The following PEBP4 variants were observed in gnomAD, a reference collection of about 807,000 sequenced individuals.
The protein encoded by PEBP4 is phosphatidylethanolamine binding protein 4.
PEBP4 carries 22 observed loss-of-function variants against 23.9 expected under a neutral mutation model. The ratio of observed to expected loss-of-function variants is 0.92; its 90% CI spans 0.66 to 1.31. PEBP4 has a LOEUF of 1.31. Among genes scored for constraint, PEBP4 ranks in the 40% most tolerant of loss-of-function variants. The pLI is 0.00. For missense variants in PEBP4, 324 were observed against 281.7 expected (o/e 1.15, Z -1.07); for synonymous variants, 112 against 99.3 (o/e 1.13, Z -0.76).
At chr8:22,741,354 G>GA (rs1258143387) in intron 4 of PEBP4, among the ~76,000 whole-genome samples, 1 of 152,204 alleles carries the variant, frequency 6.6e-6, no homozygotes, top group Non-Finnish European at 1.5e-5. Context: ...TGGCCCACCA[G>GA]GGCCTGCTGG....
intron 3 of PEBP4, among the ~76,000 whole-genome samples, chr8:22,818,818 G>C (rs1806798834): frequency 6.6e-6 from 1 of 152,152 alleles, no homozygotes; most frequent in Admixed American, 6.5e-5. Context: ...TGGGTTGGGG[G>C]AGTATTTTTA....
At chr8:22,777,192 C>T (rs1239808262) in intron 4 of PEBP4, among the ~76,000 whole-genome samples, 2 of 152,148 alleles carry the variant, frequency 1.3e-5, no homozygotes, top group African/African-American at 4.8e-5. Flanking sequence ...CCCGATTTCC[C>T]TCTTTCCTTC....
At chr8:22,715,365 GTAT>G (rs1804393424) in intron 6 of PEBP4, among the ~76,000 whole-genome samples, 2 of 152,364 alleles carry the variant, frequency 1.3e-5, no homozygotes, top group South Asian at 4.1e-4. Context: ...AGGAATTATG[GTAT>G]TATGACCCTG....
At chr8:22,854,966 T>C (rs1486461973) in intron 3 of PEBP4, among the ~76,000 whole-genome samples, 1 of 129,860 alleles carries the variant, frequency 7.7e-6, no homozygotes. Context: ...GCGTGCAAGC[T>C]TGTCCAAATG....
intron 3 of PEBP4, among the ~76,000 whole-genome samples, chr8:22,830,155 A>G (rs1015054764): frequency 2.4e-5 from 3 of 126,478 alleles, no homozygotes; most frequent in Admixed American, 2.3e-4. Flanking sequence ...GTTTTTACGG[A>G]GTCTTGCTCT....
At chr8:22,921,722 G>A (rs2128780955) in intron 2 of PEBP4, among the ~76,000 whole-genome samples, 1 of 152,334 alleles carries the variant, frequency 6.6e-6, no homozygotes, top group Middle Eastern at 3.4e-3. Flanking sequence ...AACTCTTTGC[G>A]CATTTACAGC....
intron 4 of PEBP4, among the ~76,000 whole-genome samples, chr8:22,792,076 C>A (rs1391902321): frequency 6.6e-6 from 1 of 150,940 alleles, no homozygotes; most frequent in Non-Finnish European, 1.5e-5. Context: ...CCAGGCTGGT[C>A]TGGAATTCCT....
chr8:22,728,476 C>T (rs1312746151), intron 4 of PEBP4, among the ~76,000 whole-genome samples: 1 of 152,142 alleles, frequency 6.6e-6, no homozygotes, highest in African/African-American at 2.4e-5. Context: ...TCTTCTTCAC[C>T]TGATACAGGT....
Position 22,927,701 on chromosome 8 carries a change from A to C in PEBP4, c.14T>G (p.Met5Arg), listed in dbSNP as rs992288873. MGWT[M>R]RLVTAALLLG... ...TAACAGTGCTGCTGTGACCAGCCTC[A>C]TTGTCCAACCCATGGGCACCTGGAA... The change falls in exon 2 of 7, where the codon ATG (methionine) becomes AGG (arginine). Residue 5 changes from methionine (M) to arginine (R), a missense_variant. Transcript: ENST00000256404. The C allele has an allele frequency of 6.2e-7, 1 of 1,613,740 alleles. No homozygotes were observed. The highest frequency in any genetic ancestry group is 8.5e-7 in the Non-Finnish European group (1 of 1,179,814).
intron 2 of PEBP4, among the ~76,000 whole-genome samples, chr8:22,926,192 G>C (rs1303547075): frequency 6.6e-6 from 1 of 151,908 alleles, no homozygotes; most frequent in African/African-American, 2.4e-5. Context: ...TGGTCAGGCT[G>C]GTCTCAAACT....
chr8:22,810,364 T>C (rs2128760459), intron 4 of PEBP4, among the ~76,000 whole-genome samples: 1 of 152,266 alleles, frequency 6.6e-6, no homozygotes, highest in Middle Eastern at 3.4e-3. Context: ...TAGAACTTTC[T>C]AAGACCGAGG....
At chr8:22,900,195 G>A (rs1193258902) in intron 3 of PEBP4, among the ~76,000 whole-genome samples, 1 of 152,182 alleles carries the variant, frequency 6.6e-6, no homozygotes, top group Non-Finnish European at 1.5e-5. Flanking sequence ...TGACTTATCG[G>A]GAGGTCACGA....
At chr8:22,730,947 A>G (rs1044870477) in intron 4 of PEBP4, among the ~76,000 whole-genome samples, 1 of 152,032 alleles carries the variant, frequency 6.6e-6, no homozygotes, top group Non-Finnish European at 1.5e-5. Flanking sequence ...GCTCCCTCAC[A>G]CCTTCGGCCT....
At position 22,865,825 on chromosome 8, in the gene PEBP4, C is replaced by T. The variant is rs1480914864; in HGVS notation, c.259-48090G>A. 1.2e-4 allele frequency among the ~76,000 whole-genome samples: 18 copies of T among 152,224 alleles called. No individual in the cohort carries two copies. Among genetic ancestry groups the T allele is most frequent in the African/African-American group, 4.1e-4 (17 of 41,468 alleles). On this transcript the variant is annotated intron_variant, in intron 3 of 6. Transcript: ENST00000256404. This position sits in a 1 kb window ranked among gnomAD's most constrained non-coding sequence, Gnocchi z 6.9. ...GCGGCGGCGCCTAGAGGGACCCCCA[C>T]CCCGGGCTCGAACTCCCGACAAGAC...
intron 3 of PEBP4, among the ~76,000 whole-genome samples, chr8:22,892,028 G>A (rs1038664597): frequency 5.9e-5 from 9 of 151,690 alleles, no homozygotes; most frequent in Non-Finnish European, 8.8e-5. Context: ...AGCCGAGATC[G>A]CGCCACTGCA....
chr8:22,741,355 G>A (rs561731926), intron 4 of PEBP4, among the ~76,000 whole-genome samples: 16 of 152,308 alleles, frequency 1.1e-4, no homozygotes, highest in East Asian at 3.9e-4. Flanking sequence ...GGCCCACCAG[G>A]GCCTGCTGGG....
intron 3 of PEBP4, among the ~76,000 whole-genome samples, chr8:22,889,503 A>C (rs185882501): frequency 1.3e-5 from 2 of 152,292 alleles, no homozygotes; most frequent in East Asian, 3.9e-4. Flanking sequence ...AGAAAAATTA[A>C]AGGCAAGAGA....
chr8:22,744,531 CACG>C (rs1449698446), intron 4 of PEBP4: 1 of 152,260 alleles, frequency 6.6e-6, no homozygotes, highest in Admixed American at 6.5e-5. Context: ...CAGAGGAGCC[CACG>C]CATGCAGGTT....
intron 3 of PEBP4, among the ~76,000 whole-genome samples, chr8:22,835,460 C>T (rs940876910): frequency 2.0e-4 from 31 of 152,170 alleles, no homozygotes; most frequent in Admixed American, 1.8e-3. Context: ...TAGAAATAAG[C>T]GGCCCGGGAA....
Sources: gnomAD v4.1 joint callset for allele counts (sites outside exome capture counted in the v4.1 genomes callset) on GRCh38, gnomAD v4.1.1 for gene constraint, Gnocchi (gnomAD v3.1) non-coding constraint, MANE v1.5 for transcripts, NCBI Gene and HGNC (gene_info 2026-07-23, HGNC 2026-07-21) for gene names.